PCDHA9: variants seen among roughly 807,000 people sequenced by gnomAD.
PCDHA9 encodes the protein protocadherin alpha 9.
PCDHA9 carries 62 observed loss-of-function variants against 62.0 expected under a neutral mutation model. The ratio of observed to expected loss-of-function variants is 1.00; its 90% confidence interval spans 0.81 to 1.23. The LOEUF is 1.23. PCDHA9 is among the 50% of genes most tolerant of loss of function. The pLI, the probability that PCDHA9 is intolerant of heterozygous loss-of-function variation, is 0.00. For missense variants in PCDHA9, 1,205 were observed against 1,249.8 expected (o/e 0.96, Z 0.54); for synonymous variants, 557 against 567.6 (o/e 0.98, Z 0.27).
At chr5:140,936,959 A>C (rs2091230080) in intron 1 of PCDHA9, among the ~76,000 whole-genome samples, 1 of 152,174 alleles carries the variant, frequency 6.6e-6, no homozygotes, top group Non-Finnish European at 1.5e-5. Flanking sequence ...TCTTTATTGA[A>C]TCTATAAAAA....
chr5:140,986,114 T>A (rs1465954606), intron 3 of PCDHA9, among the ~76,000 whole-genome samples: 1 of 152,168 alleles, frequency 6.6e-6, no homozygotes, highest in Non-Finnish European at 1.5e-5. Flanking sequence ...AAGATAAAGA[T>A]GCCACACTCT....
chr5:140,973,754 G>A (rs2096600951), intron 1 of PCDHA9, among the ~76,000 whole-genome samples: 1 of 152,198 alleles, frequency 6.6e-6, no homozygotes, highest in South Asian at 2.1e-4. Flanking sequence ...CACTCTGCAG[G>A]GACACAGCCT....
chr5:140,853,597 G>A lies in PCDHA9; in HGVS notation c.2394+2708G>A, dbSNP rs2042800183. 3.0e-6 allele frequency: 3 copies of A among 986,998 alleles called. 1 individual carries two copies. The highest frequency in any genetic ancestry group is 3.7e-6 in the Non-Finnish European group (3 of 819,142). The allele number at this position is 986,998 out of a possible 1,614,324, so 61.1% of individuals were successfully genotyped here. A position where few individuals can be genotyped will look rare whatever the true frequency, so the allele number is the denominator to read the frequency against. On this transcript the variant is annotated intron_variant, in intron 1 of 3. Transcript: ENST00000532602. ...ACCCAATATCTTAGACACTTTGAGA[G>A]CAAAGGGGGTGCTGTAAATAAGTAT... is the stretch of plus-strand genomic sequence containing the variant.
chr5:140,937,219 T>C lies in PCDHA9; in HGVS notation c.2395-41730T>C, dbSNP rs555881657. Among the ~76,000 whole-genome samples the C allele has an allele frequency of 5.4e-3, 826 of 151,832 alleles. 4 individuals are homozygous for C. Among genetic ancestry groups the C allele is most frequent in the African/African-American group, 0.019 (796 of 41,458 alleles). ...TGCCCGGCTAATTTTTTGTATTTTT[T>C]GTAGAGACGGGGTTTCACCGTGTTA... On this transcript the variant is annotated intron_variant, in intron 1 of 3. Coordinates refer to ENST00000532602, the MANE Select transcript of PCDHA9 (RefSeq NM_031857.2).
chr5:140,976,354 C>A (rs1331334402), intron 1 of PCDHA9, among the ~76,000 whole-genome samples: 2 of 151,960 alleles, frequency 1.3e-5, no homozygotes, highest in Non-Finnish European at 2.9e-5. Context: ...TGTTCAAGAC[C>A]AGCCTGGCCA....
At chr5:140,989,582 G>A (rs1554250917) in intron 3 of PCDHA9, among the ~76,000 whole-genome samples, 1 of 152,200 alleles carries the variant, frequency 6.6e-6, no homozygotes, top group Non-Finnish European at 1.5e-5. Flanking sequence ...CCTGTCCTCA[G>A]CCTCACTGAC....
chr5:140,856,176 T>C lies in PCDHA9; in HGVS notation c.2394+5287T>C, dbSNP rs782159422. ...TACGAGGAGGCCAGACACGGCACCT[T>C]CGTGGGCCGCATCGCGCAGGACCTG... On this transcript the variant is annotated intron_variant, in intron 1 of 3. Coordinates refer to ENST00000532602, the MANE Select transcript of PCDHA9 (RefSeq NM_031857.2). 5 of 1,598,130 alleles carry C rather than the reference T, an allele frequency of 3.1e-6. No homozygotes were observed. In the South Asian group the frequency reaches 5.5e-5, roughly 18 times the overall value.
intron 1 of PCDHA9, among the ~76,000 whole-genome samples, chr5:140,952,541 T>G (rs1554220493): frequency 6.6e-6 from 1 of 152,140 alleles, no homozygotes; most frequent in African/African-American, 2.4e-5. Flanking sequence ...CTGGACTTCT[T>G]TGTCCATTTC....
In PCDHA9 at chr5:140,850,163, G is replaced by A; in HGVS notation, c.1668G>A (p.Leu556=). The part of the protein sequence containing the change: ...GSNVTLQVFV[L]DENDNAPALL... ...ACGTGACGCTGCAGGTGTTCGTGCTGGACGAGAACGACAATGCGCCGGCGC... is the reference window on the plus strand; with the variant it reads ...ACGTGACGCTGCAGGTGTTCGTGCTAGACGAGAACGACAATGCGCCGGCGC... The change falls in exon 1 of 4, where the codon CTG becomes CTA. Residue 556 remains leucine (L), a synonymous_variant. Coordinates refer to ENST00000532602, the MANE Select transcript of PCDHA9 (RefSeq NM_031857.2). 14 of 1,594,908 alleles carry A rather than the reference G, an allele frequency of 8.8e-6. 2 individuals are homozygous for A. The highest frequency in any genetic ancestry group is 1.2e-5 in the Non-Finnish European group (14 of 1,167,784).
chr5:140,871,218 G>C, intron 1 of PCDHA9: 19 of 1,613,884 alleles, frequency 1.2e-5, no homozygotes, highest in Non-Finnish European at 1.6e-5. Context: ...CCATCTGCGT[G>C]GTGTCCAGCC....
intron 1 of PCDHA9, among the ~76,000 whole-genome samples, chr5:140,925,376 A>G (rs1010003214): frequency 2.0e-5 from 3 of 152,150 alleles, no homozygotes; most frequent in Non-Finnish European, 2.9e-5. Context: ...TCAATAGTCA[A>G]TGAGTCTCCT....
At chr5:140,980,152 C>T (rs1554241475) in intron 2 of PCDHA9, among the ~76,000 whole-genome samples, 1 of 152,040 alleles carries the variant, frequency 6.6e-6, no homozygotes, top group Admixed American at 6.6e-5. Flanking sequence ...CATGCATATA[C>T]CAGAATATTA....
chr5:140,869,633 A>G (rs376162708), intron 1 of PCDHA9: 3 of 1,613,612 alleles, frequency 1.9e-6, no homozygotes, highest in Non-Finnish European at 2.5e-6. Context: ...AAAAATGAGT[A>G]TTTTTCTTTA....
intron 3 of PCDHA9, among the ~76,000 whole-genome samples, chr5:141,006,247 T>C (rs1554260651): frequency 2.0e-5 from 3 of 152,126 alleles, no homozygotes; most frequent in Non-Finnish European, 2.9e-5. Context: ...AGTCTTGCTC[T>C]GTTGCCCAGG....
intron 1 of PCDHA9, chr5:140,927,861 C>T (rs782305822): frequency 1.2e-6 from 2 of 1,614,042 alleles, no homozygotes; most frequent in East Asian, 2.2e-5. Context: ...TAGCTAGCAC[C>T]GCTAAACTGC....
Position 140,850,923 on chromosome 5 carries a change from A to T in PCDHA9, c.2394+34A>T, listed in dbSNP as rs2150502523. The stretch of plus-strand genomic sequence containing the variant: ...TTCTAGCATTTTATTTATTTATATA[A>T]TTTTTTTTCTTGAAAGATATTATCG... On this transcript the variant is annotated intron_variant, in intron 1 of 3. Transcript: ENST00000532602. 9.9e-6 allele frequency: 15 copies of T among 1,521,828 alleles called. 1 individual carries two copies. In the African/African-American group the frequency reaches 1.4e-4, roughly 14 times the overall value. The allele number at this position is 1,521,828 out of a possible 1,614,324, so 94.3% of individuals were successfully genotyped here.
At chr5:140,866,711 G>A (rs1554160494) in intron 1 of PCDHA9, 1 of 152,110 alleles carries the variant, frequency 6.6e-6, no homozygotes, top group African/African-American at 2.4e-5. Flanking sequence ...ACGTGCACTA[G>A]TAAGACATTA....
Position 140,861,518 on chromosome 5 carries a change from G to A in PCDHA9, c.2394+10629G>A, listed in dbSNP as rs560386977. The A allele has an allele frequency of 1.0e-3, 481 of 461,708 alleles. 1 individual carries two copies. Among genetic ancestry groups the A allele is most frequent in the African/African-American group, 8.4e-3 (422 of 50,046 alleles). The allele number at this position is 461,708 out of a possible 1,614,324, so 28.6% of individuals were successfully genotyped here. A position where few individuals can be genotyped will look rare whatever the true frequency, so the allele number is the denominator to read the frequency against. On this transcript the variant is annotated intron_variant, in intron 1 of 3. Transcript: ENST00000532602. The stretch of plus-strand genomic sequence containing the variant: ...TGATAGACCTCGAGGAGCTGTGTGG[G>A]AGGATCTCGGAGTGCAGCATCCACC...
chr5:140,870,932 T>C (rs1428252254), intron 1 of PCDHA9: 1 of 1,613,824 alleles, frequency 6.2e-7, no homozygotes, highest in South Asian at 1.1e-5. Context: ...TCATATGAAT[T>C]GCAGCCGGCG....
Sources: allele counts gnomAD v4.1 joint callset (sites outside exome capture counted in the v4.1 genomes callset), GRCh38; gene constraint gnomAD v4.1.1; transcripts MANE v1.5; gene names NCBI Gene and HGNC (gene_info 2026-07-23, HGNC 2026-07-21).